The following CLEC5A variants were observed in gnomAD, a reference collection of about 807,000 sequenced individuals.
CLEC5A encodes C-type lectin domain containing 5A.
Under a neutral mutation model 24.4 loss-of-function variants are expected in CLEC5A, and 15 were observed. That is an observed-to-expected ratio of 0.62 (90% CI 0.41 to 0.95). The LOEUF is 0.95. CLEC5A is among the 40% of genes least tolerant of loss of function. The pLI, the probability that CLEC5A is intolerant of heterozygous loss-of-function variation, is 0.00. For synonymous variants in CLEC5A, 71 were observed against 72.6 expected (o/e 0.98, Z 0.11); for missense variants, 211 against 224.0 (o/e 0.94, Z 0.37).
chr7:141,943,916 G>T lies in CLEC5A; in HGVS notation c.188C>A (p.Thr63Asn), dbSNP rs1802875400. ...SSSPSPNGFITTRSYGTVCPK... is the reference protein window; with the variant it reads ...SSSPSPNGFINTRSYGTVCPK... ...TTTACCTGTTCCATAGCTCCTTGTGGTAATGAAGCCGTTGGGACTTGGGGA... is the reference window on the plus strand; with the variant it reads ...TTTACCTGTTCCATAGCTCCTTGTGTTAATGAAGCCGTTGGGACTTGGGGA... Residue 63 changes from threonine to asparagine, a missense_variant, in exon 4 of 7, where the codon ACC (threonine) becomes AAC (asparagine). Thr to Asn is a moderately conservative substitution (Grantham distance 65). Coordinates refer to ENST00000546910, the MANE Select transcript of CLEC5A (RefSeq NM_013252.3). 6.2e-7 allele frequency: 1 copy of T among 1,610,506 alleles called. No individual in the cohort carries two copies. Among genetic ancestry groups the T allele is most frequent in the Non-Finnish European group, 8.5e-7 (1 of 1,176,990 alleles).
chr7:141,944,048 C>G, intron 3 of CLEC5A, 84 bp from the exon 4 acceptor site: 4 of 824,946 alleles, frequency 4.8e-6, no homozygotes, highest in Non-Finnish European at 8.6e-6. Context: ...CTGTGTGACT[C>G]TGAATCATGG....
intron 6 of CLEC5A, 184 bp downstream of exon 6, chr7:141,931,536 T>A: frequency 3.7e-6 from 2 of 547,116 alleles, no homozygotes; most frequent in Non-Finnish European, 6.5e-6. Flanking sequence ...GAAAGTTTGA[T>A]CTCTTTCATA....
Position 141,931,834 on chromosome 7 carries a change from TA to T in CLEC5A, c.346-9del, listed in dbSNP as rs201042036. The T allele has an allele frequency of 1.9e-3, 2,518 of 1,346,764 alleles. No homozygotes were observed. The highest frequency in any genetic ancestry group is 2.0e-3 in the Non-Finnish European group (1,964 of 971,238). 83.4% of individuals were successfully genotyped at this position (1,346,764 alleles called of 1,614,324 possible). On this transcript the variant is annotated splice_polypyrimidine_tract_variant and intron_variant, in intron 5 of 6. Coordinates refer to ENST00000546910, the MANE Select transcript of CLEC5A (RefSeq NM_013252.3). ...TATGTCCTGAAGAAACTTCTGGAAA[TA>T]AAAAAAAAATTTTACCAGTGAGTCT...
At chr7:141,935,202 G>C (rs1181575016) in intron 5 of CLEC5A, among the ~76,000 whole-genome samples, 1 of 152,224 alleles carries the variant, frequency 6.6e-6, no homozygotes, top group Admixed American at 6.5e-5. Flanking sequence ...GCACAGATTA[G>C]AGTATGGGTT....
intron 3 of CLEC5A, among the ~76,000 whole-genome samples, chr7:141,944,209 A>G (rs1354989233): frequency 5.3e-5 from 8 of 152,182 alleles, no homozygotes; most frequent in African/African-American, 1.9e-4. Context: ...ATAGGCATCA[A>G]ATCCTGAGAA....
intron 4 of CLEC5A, among the ~76,000 whole-genome samples, chr7:141,937,352 C>T (rs929912117): frequency 6.6e-6 from 1 of 151,822 alleles, no homozygotes; most frequent in African/African-American, 2.4e-5. Context: ...ACCAAACAGC[C>T]CCTGTGCCTT....
In CLEC5A at chr7:141,935,840, C is replaced by G; in HGVS notation, c.319G>C (p.Ala107Pro). 6.2e-7 allele frequency: 1 copy of G among 1,614,018 alleles called. No homozygotes were observed. Among genetic ancestry groups the G allele is most frequent in the Non-Finnish European group, 8.5e-7 (1 of 1,179,940 alleles). ...DFCKGKGSTLAIVNTPEKLKF... is the reference protein window; with the variant it reads ...DFCKGKGSTLPIVNTPEKLKF... ...AGTTTCTCTGGCGTGTTGACAATTG[C>G]CAATGTGGATCCTTTTCCTTTGCAA... Residue 107 changes from alanine (A) to proline (P), a missense_variant, in exon 5 of 7, where the codon GCA becomes CCA. Ala to Pro is a conservative substitution (Grantham distance 27, BLOSUM62 -1). Coordinates refer to ENST00000546910, the MANE Select transcript of CLEC5A (RefSeq NM_013252.3).
chr7:141,938,906 C>T (rs943753929), intron 4 of CLEC5A, among the ~76,000 whole-genome samples: 8 of 152,058 alleles, frequency 5.3e-5, no homozygotes, highest in South Asian at 2.1e-4. Flanking sequence ...CTTAGAATAG[C>T]GTATCTGATG....
rs1802340075 is a variant in CLEC5A, at chr7:141,927,732, A to G, written c.*2372T>C. 1 of 152,194 alleles carries G rather than the reference A, an allele frequency of 6.6e-6. No homozygotes were observed. The highest frequency in any genetic ancestry group is 6.5e-5 in the Admixed American group (1 of 15,276). 9.4% of individuals were successfully genotyped at this position (152,194 alleles called of 1,614,324 possible). A position where few individuals can be genotyped will look rare whatever the true frequency, so the allele number is the denominator to read the frequency against. On this transcript the variant is annotated 3_prime_UTR_variant, in exon 7 of 7. Transcript: ENST00000546910. Reference sequence around the variant, plus strand: ...CCTTCTCTGACTTGCACAAATTTTTATTCCCATATTATAAATGAGTAAACA... The same window carrying G: ...CCTTCTCTGACTTGCACAAATTTTTGTTCCCATATTATAAATGAGTAAACA...
At chr7:141,939,971 T>C (rs1802738623) in intron 4 of CLEC5A, among the ~76,000 whole-genome samples, 1 of 152,130 alleles carries the variant, frequency 6.6e-6, no homozygotes, top group African/African-American at 2.4e-5. Context: ...ATAGATAGTC[T>C]CCAATATAAT....
intron 4 of CLEC5A, 90 bp downstream of exon 4, chr7:141,943,806 C>A: frequency 1.1e-6 from 1 of 916,562 alleles, no homozygotes; most frequent in Non-Finnish European, 1.8e-6. Flanking sequence ...AAAAAAATTC[C>A]ATAAGAATAA....
rs574615831 is a variant in CLEC5A, at chr7:141,937,846, G to A, written c.209-1896C>T. ...CAGCATAGAGAAAGAGATTCTGTTT[G>A]GGAGAAAGTAAGGAAAAAGAATAAG... On this transcript the variant is annotated intron_variant, in intron 4 of 6. Transcript: ENST00000546910. Among the ~76,000 whole-genome samples, 5 of 152,314 alleles carry A rather than the reference G, an allele frequency of 3.3e-5. No individual in the cohort carries two copies. In the South Asian group the frequency reaches 1.0e-3, roughly 32 times the overall value.
rs1268734459 is a variant in CLEC5A, at chr7:141,927,419, A to G, written c.*2685T>C. Reference sequence around the variant, plus strand: ...ATCCTGGTTGCTGGATGAACAATACACGAAAGGACAATAAAGGGAGAAGGA... The same window carrying G: ...ATCCTGGTTGCTGGATGAACAATACGCGAAAGGACAATAAAGGGAGAAGGA... On this transcript the variant is annotated 3_prime_UTR_variant, in exon 7 of 7. Coordinates refer to ENST00000546910, the MANE Select transcript of CLEC5A (RefSeq NM_013252.3). The G allele has an allele frequency of 6.6e-6, 1 of 152,238 alleles. No individual in the cohort carries two copies. The highest frequency in any genetic ancestry group is 2.4e-5 in the African/African-American group (1 of 41,450). 9.4% of individuals were successfully genotyped at this position (152,238 alleles called of 1,614,324 possible).
chr7:141,940,587 C>T (rs903459948), intron 4 of CLEC5A, among the ~76,000 whole-genome samples: 1 of 150,340 alleles, frequency 6.7e-6, no homozygotes, highest in African/African-American at 2.4e-5. Context: ...AAGATCAAAG[C>T]AGAAATAAAT....
rs1424249403 is a variant in CLEC5A at position 141,927,706 on chromosome 7, C to T, written c.*2398G>A. 1 of 152,130 alleles carries T rather than the reference C, an allele frequency of 6.6e-6. No individual in the cohort carries two copies. The highest frequency in any genetic ancestry group is 2.4e-5 in the African/African-American group (1 of 41,426). The allele number at this position is 152,130 out of a possible 1,614,324, so 9.4% of individuals were successfully genotyped here. A position where few individuals can be genotyped will look rare whatever the true frequency, so the allele number is the denominator to read the frequency against. ...GCTTGGCCACAACATTTTTAAGGCA[C>T]CCTTCTCTGACTTGCACAAATTTTT... On this transcript the variant is annotated 3_prime_UTR_variant, in exon 7 of 7. Coordinates refer to ENST00000546910, the MANE Select transcript of CLEC5A (RefSeq NM_013252.3).
intron 5 of CLEC5A, among the ~76,000 whole-genome samples, chr7:141,934,532 A>G (rs534996343): frequency 2.1e-4 from 30 of 145,858 alleles, no homozygotes; most frequent in African/African-American, 7.3e-4. Context: ...ACTTGTTGGG[A>G]GGAGAAGGAT....
At position 141,946,260 on chromosome 7, in the gene CLEC5A, A is replaced by C. The variant is rs1327115062; in HGVS notation, c.33T>G (p.Ile11Met). 1 of 1,573,000 alleles carries C rather than the reference A, an allele frequency of 6.4e-7. No individual in the cohort carries two copies. The highest frequency in any genetic ancestry group is 8.6e-7 in the Non-Finnish European group (1 of 1,157,926). The change falls in exon 2 of 7, where the codon ATT becomes ATG. Residue 11 changes from isoleucine (I) to methionine (M), a missense_variant. By Grantham distance (10) the Ile-to-Met change is conservative. Transcript: ENST00000546910. ...TTCCAACAACTTTAAGCACTACCAC[A>C]ATAAGCCCAGAGATGATCATGTGCC... MNWHMIISGL[I>M]VVVLKVVGMT...
Position 141,934,613 on chromosome 7 carries a change from G to GTTTTTTTTTTTTTTTT in CLEC5A, c.345+1185_345+1200dup, listed in dbSNP as rs577797546. Among the ~76,000 whole-genome samples, 2 of 61,786 alleles carry GTTTTTTTTTTTTTTTT rather than the reference G, an allele frequency of 3.2e-5. 1 individual carries two copies. Among genetic ancestry groups the GTTTTTTTTTTTTTTTT allele is most frequent in the African/African-American group, 1.3e-4 (2 of 15,384 alleles). 40.5% of individuals were successfully genotyped at this position (61,786 alleles called of 152,430 possible). A position where few individuals can be genotyped will look rare whatever the true frequency, so the allele number is the denominator to read the frequency against. On this transcript the variant is annotated intron_variant, in intron 5 of 6. Transcript: ENST00000546910. ...GATGACCTTTGTCTTTTTCTTTAAC[G>GTTTTTTTTTTTTTTTT]TTTTTTTTTTTTTTTTTTTTTTTTT...
chr7:141,942,568 A>G (rs1250119034), intron 4 of CLEC5A, among the ~76,000 whole-genome samples: 1 of 152,150 alleles, frequency 6.6e-6, no homozygotes, highest in Non-Finnish European at 1.5e-5. Context: ...GGAAAAATAG[A>G]TAAATGAGAT....
Sources: gnomAD v4.1 joint callset for allele counts (sites outside exome capture counted in the v4.1 genomes callset) on GRCh38, gnomAD v4.1.1 for gene constraint, MANE v1.5 for transcripts, NCBI Gene and HGNC (gene_info 2026-07-23, HGNC 2026-07-21) for gene names.